SLC35F3: variants seen among roughly 807,000 people sequenced by gnomAD.
SLC35F3 encodes solute carrier family 35 member F3.
In SLC35F3, 25 loss-of-function variants were observed where a neutral mutation model predicts 49.9. That is an observed-to-expected ratio of 0.50 (90% CI 0.37 to 0.70). The LOEUF (loss-of-function observed/expected upper bound fraction) is 0.70. Among genes scored for constraint, SLC35F3 ranks in the 30% least tolerant of loss-of-function variants. The probability of loss-of-function intolerance (pLI) is 0.00; values close to 1 mark genes in which losing one functional copy is unlikely to be tolerated. For missense variants in SLC35F3, 525 were observed against 639.8 expected, an observed-to-expected ratio of 0.82 and a Z score of 1.94; for synonymous variants, 275 against 265.4, an observed-to-expected ratio of 1.04 and a Z score of -0.35.
chr1:234,102,678 A>G (rs12729099), intron 2 of SLC35F3, among the ~76,000 whole-genome samples: 21,041 of 152,142 alleles, frequency 0.14, 3,154 homozygotes, highest in East Asian at 0.81. Flanking sequence ...TGCCTGTGAC[A>G]TAACAACTTC....
intron 2 of SLC35F3, among the ~76,000 whole-genome samples, chr1:233,984,525 C>T (rs1663236714): frequency 6.6e-6 from 1 of 152,214 alleles, no homozygotes; most frequent in Non-Finnish European, 1.5e-5. Context: ...TACACATTGG[C>T]TCTGGCCTGA....
intron 2 of SLC35F3, among the ~76,000 whole-genome samples, chr1:234,184,956 C>T (rs1404331017): frequency 1.3e-5 from 2 of 152,166 alleles, no homozygotes; most frequent in Non-Finnish European, 2.9e-5. Context: ...AGATCTTGGG[C>T]ATTTGTACCA....
At chr1:233,905,859 C>G (rs1016766095) in intron 2 of SLC35F3, 101 bp downstream of exon 2, 11 of 1,098,872 alleles carry the variant, frequency 1.0e-5, no homozygotes, top group South Asian at 3.1e-5. Context: ...CCAGCCACCC[C>G]CTCCCGCCCT....
intron 2 of SLC35F3, among the ~76,000 whole-genome samples, chr1:234,140,471 A>G (rs184411718): frequency 3.5e-4 from 54 of 152,320 alleles, no homozygotes; most frequent in African/African-American, 1.3e-3. Flanking sequence ...GTATGTGGGA[A>G]AAAAACATAG....
At chr1:234,084,438 AAAAC>A (rs1168475704) in intron 2 of SLC35F3, among the ~76,000 whole-genome samples, 1 of 152,210 alleles carries the variant, frequency 6.6e-6, no homozygotes, top group Non-Finnish European at 1.5e-5. Context: ...TGCACAGTGA[AAAAC>A]AACATGTTTT....
intron 2 of SLC35F3, among the ~76,000 whole-genome samples, chr1:234,162,751 G>A (rs544218442): frequency 2.0e-5 from 3 of 152,342 alleles, no homozygotes; most frequent in African/African-American, 7.2e-5. Flanking sequence ...GGATGATTAA[G>A]ACTCAGTCCA....
chr1:234,319,041 G>T, intron 6 of SLC35F3, 98 bp downstream of exon 6: 1 of 997,756 alleles, frequency 1.0e-6, no homozygotes, highest in Non-Finnish European at 1.5e-6. Context: ...AGTGCTCTTT[G>T]CTATTCTTTA....
intron 2 of SLC35F3, among the ~76,000 whole-genome samples, chr1:234,153,274 A>T (rs1666101536): frequency 6.6e-6 from 1 of 152,194 alleles, no homozygotes; most frequent in South Asian, 2.1e-4. Context: ...GCAGGCTCAG[A>T]CAGTATAGTG....
intron 2 of SLC35F3, among the ~76,000 whole-genome samples, chr1:234,175,516 GGCTTCAT>G (rs933412347): frequency 2.0e-5 from 3 of 151,994 alleles, no homozygotes; most frequent in Non-Finnish European, 4.4e-5. Context: ...AGAGGGTCTG[GGCTTCAT>G]GCCACGGCTC....
chr1:234,240,788 T>C (rs529135397), intron 3 of SLC35F3, among the ~76,000 whole-genome samples: 2 of 152,306 alleles, frequency 1.3e-5, no homozygotes, highest in South Asian at 4.1e-4. Flanking sequence ...GGTAGCTGAT[T>C]TGGAGCCCAC....
At chr1:234,034,401 G>A (rs893898403) in intron 2 of SLC35F3, among the ~76,000 whole-genome samples, 2 of 152,114 alleles carry the variant, frequency 1.3e-5, no homozygotes, top group African/African-American at 4.8e-5. Flanking sequence ...TGGTGAAAGT[G>A]GGCATCCTTG....
chr1:234,115,261 CT>C (rs2102889853), intron 2 of SLC35F3, among the ~76,000 whole-genome samples: 1 of 152,292 alleles, frequency 6.6e-6, no homozygotes, highest in African/African-American at 2.4e-5. Context: ...ACCTTTTACT[CT>C]TTAATATTGC....
chr1:234,098,405 T>C (rs539855955), intron 2 of SLC35F3, among the ~76,000 whole-genome samples: 47 of 147,776 alleles, frequency 3.2e-4, no homozygotes, highest in African/African-American at 1.2e-3. Context: ...ATGGAGGTGG[T>C]GATTGTGTTG....
At chr1:233,927,168 A>T (rs1044852441) in intron 2 of SLC35F3, among the ~76,000 whole-genome samples, 2 of 152,230 alleles carry the variant, frequency 1.3e-5, no homozygotes, top group Admixed American at 1.3e-4. Context: ...ACTGGAAGAC[A>T]TCATGATTTG....
At chr1:233,946,374 T>C (rs1021961351) in intron 2 of SLC35F3, among the ~76,000 whole-genome samples, 1 of 152,224 alleles carries the variant, frequency 6.6e-6, no homozygotes, top group Non-Finnish European at 1.5e-5. Context: ...TCAAATGGCC[T>C]ATAATTTTGT....
chr1:234,317,934 A>G (rs768378575), intron 5 of SLC35F3, among the ~76,000 whole-genome samples: 18 of 152,238 alleles, frequency 1.2e-4, no homozygotes, highest in Admixed American at 2.0e-4. Flanking sequence ...CAACTTGTCC[A>G]TGGGGACTCC....
At chr1:234,217,781 G>T (rs1487860474) in intron 2 of SLC35F3, among the ~76,000 whole-genome samples, 1 of 152,050 alleles carries the variant, frequency 6.6e-6, no homozygotes, top group Admixed American at 6.5e-5. Context: ...GGGCCTTTTT[G>T]AGGAAGAGGC....
intron 2 of SLC35F3, among the ~76,000 whole-genome samples, chr1:233,950,050 A>T (rs1445914983): frequency 1.3e-5 from 2 of 152,050 alleles, no homozygotes; most frequent in Non-Finnish European, 2.9e-5. Context: ...GGGCACCAGC[A>T]CTTTTGGACA....
intron 2 of SLC35F3, among the ~76,000 whole-genome samples, chr1:234,107,350 G>A (rs1665299860): frequency 6.6e-6 from 1 of 152,224 alleles, no homozygotes; most frequent in African/African-American, 2.4e-5. Flanking sequence ...TCCCATAACA[G>A]GGGAGTGAAG....
Sources: gnomAD v4.1 joint callset for allele counts (sites outside exome capture counted in the v4.1 genomes callset) on GRCh38, gnomAD v4.1.1 for gene constraint, MANE v1.5 for transcripts, NCBI Gene and HGNC (gene_info 2026-07-23, HGNC 2026-07-21) for gene names.